Variants in CHD7 observed in about 807,000 individuals in gnomAD.
CHD7 encodes the protein ATP-dependent chromatin remodeler CHD7.
Under a neutral mutation model 307.3 loss-of-function variants are expected in CHD7, and 24 were observed. The observed-to-expected ratio is 0.08, with a 90% confidence interval of 0.06 to 0.11. The LOEUF (loss-of-function observed/expected upper bound fraction) is 0.11, where lower values mean the gene tolerates loss of function less well. Among genes scored for constraint, CHD7 ranks in the 10% least tolerant of loss-of-function variants. The pLI is 1.00. For synonymous variants in CHD7, 1,363 were observed against 1,349.9 expected, an observed-to-expected ratio of 1.01 and a Z score of -0.21; for missense variants, 3,106 against 3,727.1, an observed-to-expected ratio of 0.83 and a Z score of 4.34.
intron 2 of CHD7, among the ~76,000 whole-genome samples, chr8:60,774,275 G>A (rs1354698653): frequency 1.3e-5 from 2 of 152,114 alleles, no homozygotes; most frequent in African/African-American, 2.4e-5. Context: ...TTAAGGTTTC[G>A]GTTCCATCAT....
rs573529626 is a variant in CHD7 at position 60,867,564 on chromosome 8, C to T, written c.*1631C>T. 5.3e-5 allele frequency: 8 copies of T among 152,248 alleles called. No homozygotes were observed. Among genetic ancestry groups the T allele is most frequent in the Non-Finnish European group, 1.0e-4 (7 of 68,056 alleles). The allele number at this position is 152,248 out of a possible 1,614,324, so 9.4% of individuals were successfully genotyped here. ...AACCAACACAAAGCCATATTTCCATCCAGTTAAAAAGCAGGGGAAGGGATG... is the reference window on the plus strand; with the variant it reads ...AACCAACACAAAGCCATATTTCCATTCAGTTAAAAAGCAGGGGAAGGGATG... On this transcript the variant is annotated 3_prime_UTR_variant, in exon 38 of 38. Coordinates refer to ENST00000423902, the MANE Select transcript of CHD7 (RefSeq NM_017780.4).
At position 60,829,724 on chromosome 8, in the gene CHD7, G is replaced by A. The variant is rs190299969; in HGVS notation, c.3523-598G>A. 9.1e-4 allele frequency among the ~76,000 whole-genome samples: 139 copies of A among 152,330 alleles called. 1 individual carries two copies. Among genetic ancestry groups the A allele is most frequent in the Admixed American group, 3.1e-3 (47 of 15,298 alleles). ...TAACGGAGATAGACTTGAAATCTTG[G>A]TTTTTACGTGCCCCCTCCACTGACT... On this transcript the variant is annotated intron_variant, in intron 14 of 37. Transcript: ENST00000423902.
intron 2 of CHD7, among the ~76,000 whole-genome samples, chr8:60,744,106 G>T (rs1467207349): frequency 1.3e-5 from 2 of 152,184 alleles, no homozygotes; most frequent in African/African-American, 4.8e-5. Context: ...TTGGAATTTG[G>T]CTAGGCCTTA....
chr8:60,818,723 A>G (rs4237039), intron 8 of CHD7, among the ~76,000 whole-genome samples: 150,675 of 152,354 alleles, frequency 0.99, 74,510 homozygotes, highest in Middle Eastern at 1. Flanking sequence ...GAATAGCCAG[A>G]GAAAGTTTGT....
rs746876328 is a variant in CHD7 at position 60,838,165 on chromosome 8, A to G, written c.4443A>G (p.Lys1481=). Residue 1481 remains lysine, a synonymous_variant, in exon 19 of 38, where the codon AAA becomes AAG. Coordinates refer to ENST00000423902, the MANE Select transcript of CHD7 (RefSeq NM_017780.4). ...ALMDEEDEGS[K]FCEEDIDQIL... is the part of the protein sequence containing the mutation. ...TGGATGAGGAGGATGAAGGGTCTAA[A>G]TTCTGTGAAGAAGATATTGATCAGA... 5 of 1,583,772 alleles carry G rather than the reference A, an allele frequency of 3.2e-6. No individual in the cohort carries two copies. The highest frequency in any genetic ancestry group is 4.3e-6 in the Non-Finnish European group (5 of 1,164,162).
chr8:60,721,009 C>T (rs1807873368), intron 1 of CHD7, among the ~76,000 whole-genome samples: 1 of 152,180 alleles, frequency 6.6e-6, no homozygotes, highest in Non-Finnish European at 1.5e-5. Context: ...TCCAAGTGGA[C>T]ACTTTTCTCT....
chr8:60,757,742 T>TGA (rs1374277053), intron 2 of CHD7, among the ~76,000 whole-genome samples: 1 of 152,226 alleles, frequency 6.6e-6, no homozygotes, highest in Non-Finnish European at 1.5e-5. Context: ...GAATGTATTT[T>TGA]GAGCCACTCT....
intron 1 of CHD7, among the ~76,000 whole-genome samples, chr8:60,703,826 C>T (rs1375361972): frequency 6.6e-6 from 1 of 152,210 alleles, no homozygotes; most frequent in African/African-American, 2.4e-5. Context: ...TCATAAACTC[C>T]TACCTCTCCC....
At chr8:60,690,912 G>A (rs1806161534) in intron 1 of CHD7, among the ~76,000 whole-genome samples, 1 of 152,114 alleles carries the variant, frequency 6.6e-6, no homozygotes. Flanking sequence ...AGCTGCCCAT[G>A]TCATTTGCAT....
intron 2 of CHD7, among the ~76,000 whole-genome samples, chr8:60,768,376 C>T (rs1281563313): frequency 6.6e-6 from 1 of 152,138 alleles, no homozygotes; most frequent in Non-Finnish European, 1.5e-5. Flanking sequence ...AGAAACCAAA[C>T]CTAATATTAA....
intron 29 of CHD7, 58 bp downstream of exon 29, chr8:60,852,305 T>C (rs1805490402): frequency 3.4e-6 from 5 of 1,487,068 alleles, no homozygotes; most frequent in African/African-American, 2.8e-5. Context: ...GCCCTGCTCC[T>C]GTAGACCCAC....
chr8:60,771,842 C>A (rs931376819), intron 2 of CHD7, among the ~76,000 whole-genome samples: 1 of 152,222 alleles, frequency 6.6e-6, no homozygotes, highest in African/African-American at 2.4e-5. Context: ...GTTGGGTTCC[C>A]TGGCAACGTA....
intron 2 of CHD7, among the ~76,000 whole-genome samples, chr8:60,767,398 G>C (rs980654806): frequency 1.3e-5 from 2 of 152,194 alleles, no homozygotes; most frequent in Non-Finnish European, 2.9e-5. Context: ...TAGGTTGGTA[G>C]GTCACTTTGG....
At chr8:60,711,907 T>G (rs920713061) in intron 1 of CHD7, among the ~76,000 whole-genome samples, 4 of 152,202 alleles carry the variant, frequency 2.6e-5, no homozygotes, top group Admixed American at 2.6e-4. Context: ...ATGTGCACAT[T>G]AATCTGAAAA....
intron 1 of CHD7, among the ~76,000 whole-genome samples, chr8:60,690,069 ACAG>A (rs1251126236): frequency 7.2e-5 from 11 of 152,344 alleles, no homozygotes; most frequent in African/African-American, 2.2e-4. Context: ...CTGTGAACAC[ACAG>A]GACAACAGAC....
chr8:60,853,143 A>G lies in CHD7; in HGVS notation c.6418A>G (p.Thr2140Ala). 6.2e-7 allele frequency: 1 copy of G among 1,613,934 alleles called. No homozygotes were observed. Among genetic ancestry groups the G allele is most frequent in the Non-Finnish European group, 8.5e-7 (1 of 1,179,862 alleles). Residue 2140 changes from threonine to alanine, a missense_variant, in exon 31 of 38, where the codon ACA becomes GCA. Physicochemically the swap from Thr to Ala is moderately conservative, Grantham distance 58. This residue lies in a region of CHD7 where 1,030 missense variants were observed against 1,165.4 expected (regional missense o/e 0.88). Coordinates refer to ENST00000423902, the MANE Select transcript of CHD7 (RefSeq NM_017780.4). Reference sequence around the variant, plus strand: ...TGCTCAAAACAGAGGGGCAGGTAATACATCTTCCTTGAACCCACTGGCAGT... The same window carrying G: ...TGCTCAAAACAGAGGGGCAGGTAATGCATCTTCCTTGAACCCACTGGCAGT... ...NFAQNRGAGN[T>A]SSLNPLAVGF...
At chr8:60,768,411 CTTCT>C (rs1431792655) in intron 2 of CHD7, among the ~76,000 whole-genome samples, 1 of 152,184 alleles carries the variant, frequency 6.6e-6, no homozygotes, top group Non-Finnish European at 1.5e-5. Context: ...ACTATCCTTC[CTTCT>C]AACAACTTCT....
chr8:60,857,607 C>T (rs1805772436), intron 34 of CHD7, among the ~76,000 whole-genome samples: 5 of 152,168 alleles, frequency 3.3e-5, no homozygotes. Context: ...CCAGAAGCCC[C>T]AGTCACCATA....
chr8:60,781,770 T>C (rs1811247674), intron 3 of CHD7, among the ~76,000 whole-genome samples: 1 of 152,200 alleles, frequency 6.6e-6, no homozygotes, highest in Non-Finnish European at 1.5e-5. Flanking sequence ...AGTGATGATA[T>C]AAAACTGGAT....
Sources: allele counts gnomAD v4.1 joint callset (sites outside exome capture counted in the v4.1 genomes callset), GRCh38; gene constraint gnomAD v4.1.1; regional missense constraint gnomAD v4.1.1; transcripts MANE v1.5; gene names NCBI Gene and HGNC (gene_info 2026-07-23, HGNC 2026-07-21).